PSD3: variants seen among roughly 807,000 people sequenced by gnomAD.
PSD3 encodes the protein pleckstrin and Sec7 domain containing 3.
In PSD3, 49 loss-of-function variants were observed where a neutral mutation model predicts 105.5. The observed-to-expected ratio is 0.46, with a 90% CI of 0.37 to 0.59. The LOEUF is 0.59. PSD3 is among the 20% of genes least tolerant of loss of function. The pLI, the probability that PSD3 is intolerant of heterozygous loss-of-function variation, is 0.00. For missense variants in PSD3, 1,561 were observed against 1,263.8 expected, an observed-to-expected ratio of 1.24 and a Z score of -3.57; for synonymous variants, 557 against 457.8, an observed-to-expected ratio of 1.22 and a Z score of -2.77.
At chr8:18,694,611 G>GAA (rs61475829) in intron 9 of PSD3, among the ~76,000 whole-genome samples, 1 of 140,934 alleles carries the variant, frequency 7.1e-6, no homozygotes. Flanking sequence ...CTGCATCTCC[G>GAA]AAAAAAAAAA....
chr8:18,582,836 T>G (rs1585301000), intron 12 of PSD3, among the ~76,000 whole-genome samples: 1 of 61,390 alleles, frequency 1.6e-5, no homozygotes, highest in Admixed American at 2.0e-4. Context: ...TTTTTTTTTT[T>G]TTTTTTTGAG....
chr8:18,878,493 C>A (rs577674011), intron 2 of PSD3, among the ~76,000 whole-genome samples: 1 of 152,220 alleles, frequency 6.6e-6, no homozygotes, highest in South Asian at 2.1e-4. Context: ...CCCATGAATA[C>A]CCTGAAAAGA....
rs549528882 is a variant in PSD3, at chr8:18,781,654, C to T, written c.2083-16116G>A. Among the ~76,000 whole-genome samples the T allele has an allele frequency of 7.9e-5, 12 of 152,250 alleles. No individual in the cohort carries two copies. In the South Asian group the frequency reaches 2.5e-3, roughly 32 times the overall value. The stretch of plus-strand genomic sequence containing the variant: ...AATTCTCTTTTTCTTGGACTTTTAA[C>T]AGTTCGACTATGAAGTGGCATGGAG... On this transcript the variant is annotated intron_variant, in intron 8 of 15. Transcript: ENST00000327040.
intron 11 of PSD3, among the ~76,000 whole-genome samples, chr8:18,612,538 ATGT>A (rs757280239): frequency 2.6e-5 from 4 of 152,060 alleles, no homozygotes; most frequent in Admixed American, 1.3e-4. Context: ...CGCCTGGATA[ATGT>A]TGTTGTATTT....
chr8:18,907,659 T>G (rs1374336666), intron 2 of PSD3, among the ~76,000 whole-genome samples: 1 of 152,196 alleles, frequency 6.6e-6, no homozygotes, highest in Non-Finnish European at 1.5e-5. Context: ...TACCATATAA[T>G]CTAGGTTTCT....
In PSD3 at chr8:18,632,813, G is replaced by C. The variant is rs1585444918; in HGVS notation, c.2217-7C>G. 1.9e-6 allele frequency: 3 copies of C among 1,541,506 alleles called. No individual in the cohort carries two copies. The highest frequency in any genetic ancestry group is 3.4e-4 in the Middle Eastern group (2 of 5,888). On this transcript the variant is annotated splice_region_variant and splice_polypyrimidine_tract_variant and intron_variant, in intron 10 of 15. Coordinates refer to ENST00000327040, the MANE Select transcript of PSD3 (RefSeq NM_015310.4). ...TTTTTTCTCTTCATCATCTCTAAAA[G>C]GGAGAAAGCACAAAGACTGAGTCAA...
At chr8:18,774,782 C>G (rs764077476) in intron 8 of PSD3, 5 of 416,654 alleles carry the variant, frequency 1.2e-5, no homozygotes, top group African/African-American at 2.1e-5. Context: ...TGACTACAAT[C>G]TAAGAGAACT....
At chr8:18,596,558 A>G (rs775630697) in intron 12 of PSD3, among the ~76,000 whole-genome samples, 10 of 152,022 alleles carry the variant, frequency 6.6e-5, no homozygotes, top group Non-Finnish European at 1.0e-4. Context: ...TTTTCAAAAG[A>G]TCAACAAAAT....
intron 9 of PSD3, among the ~76,000 whole-genome samples, chr8:18,662,105 C>A (rs1809391448): frequency 6.6e-6 from 1 of 151,974 alleles, no homozygotes; most frequent in African/African-American, 2.4e-5. Flanking sequence ...TACTTCCAAA[C>A]CCAGTCACAG....
At chr8:18,970,344 A>AAAAAAAAAAAAG (rs1563474672) in intron 1 of PSD3, among the ~76,000 whole-genome samples, 4 of 148,402 alleles carry the variant, frequency 2.7e-5, no homozygotes, top group African/African-American at 1.0e-4. Flanking sequence ...AAAAAAAAAA[A>AAAAAAAAAAAAG]AAAACAAAGA....
intron 2 of PSD3, among the ~76,000 whole-genome samples, chr8:18,903,097 G>C (rs926769417): frequency 6.6e-6 from 1 of 152,142 alleles, no homozygotes; most frequent in Non-Finnish European, 1.5e-5. Flanking sequence ...CCCGGAACCA[G>C]GATCTGTGAC....
At chr8:19,021,871 GA>G (rs778682117) in intron 1 of PSD3, among the ~76,000 whole-genome samples, 19 of 152,198 alleles carry the variant, frequency 1.2e-4, no homozygotes, top group Non-Finnish European at 2.4e-4. Context: ...GTGCAGTTGT[GA>G]AAGGGAGGGT....
At chr8:19,023,761 A>G (rs1355640087) in intron 1 of PSD3, among the ~76,000 whole-genome samples, 1 of 152,156 alleles carries the variant, frequency 6.6e-6, no homozygotes, top group African/African-American at 2.4e-5. Flanking sequence ...TTGCAGCTCT[A>G]GAACGTTTCC....
rs548421850 is a variant in PSD3, at chr8:18,862,380, TA to T, written c.1634+5293del. On this transcript the variant is annotated intron_variant, in intron 4 of 15. Transcript: ENST00000327040. ...TGAGCAGGAACTCCTTTGTGGTTTTTAAAAAAAAAAAATCAAATCACCATTA... is the reference window on the plus strand; with the variant it reads ...TGAGCAGGAACTCCTTTGTGGTTTTTAAAAAAAAAAATCAAATCACCATTA... Among the ~76,000 whole-genome samples, 106 of 105,734 alleles carry T rather than the reference TA, an allele frequency of 1.0e-3. 1 individual carries two copies. In the South Asian group the frequency reaches 0.03, roughly 30 times the overall value. The allele number at this position is 105,734 out of a possible 152,430, so 69.4% of individuals were successfully genotyped here. A position where few individuals can be genotyped will look rare whatever the true frequency, so the allele number is the denominator to read the frequency against.
chr8:18,790,763 G>T (rs1393407923), intron 8 of PSD3, among the ~76,000 whole-genome samples: 3 of 146,426 alleles, frequency 2.0e-5, no homozygotes, highest in African/African-American at 7.6e-5. Context: ...CTTCTCTTAG[G>T]ACCACCGAGA....
chr8:18,965,908 G>A (rs1824215049), intron 1 of PSD3, among the ~76,000 whole-genome samples: 1 of 152,202 alleles, frequency 6.6e-6, no homozygotes, highest in Admixed American at 6.5e-5. Context: ...ATAACACCCG[G>A]GGTTTGGGCT....
intron 9 of PSD3, among the ~76,000 whole-genome samples, chr8:18,707,600 T>C (rs1322510395): frequency 1.3e-5 from 2 of 152,168 alleles, no homozygotes; most frequent in Non-Finnish European, 2.9e-5. Flanking sequence ...CACTCCCATG[T>C]TCCAGATGAG....
intron 1 of PSD3, among the ~76,000 whole-genome samples, chr8:18,956,907 G>A (rs1170477269): frequency 6.6e-6 from 1 of 152,084 alleles, no homozygotes; most frequent in Non-Finnish European, 1.5e-5. Context: ...GTTTCTGGTG[G>A]CAACCAGGAC....
chr8:18,578,807 G>A (rs1266817505), intron 12 of PSD3, among the ~76,000 whole-genome samples: 1 of 151,726 alleles, frequency 6.6e-6, no homozygotes, highest in Admixed American at 6.6e-5. Context: ...CACCTTGGAA[G>A]AACTGCACCA....
Sources: gnomAD v4.1 joint callset for allele counts (sites outside exome capture counted in the v4.1 genomes callset) on GRCh38, gnomAD v4.1.1 for gene constraint, MANE v1.5 for transcripts, NCBI Gene and HGNC (gene_info 2026-07-23, HGNC 2026-07-21) for gene names.